PON3: variants seen among roughly 807,000 people sequenced by gnomAD.
The protein encoded by PON3 is paraoxonase 3, also known as serum paraoxonase/lactonase 3.
A neutral mutation model predicts 36.3 loss-of-function variants in PON3; 37 were observed. The ratio of observed to expected loss-of-function variants is 1.02; its 90% CI spans 0.78 to 1.34. The LOEUF is 1.34. PON3 is among the 40% of genes most tolerant of loss of function. PON3 has a pLI of 0.00. For synonymous variants in PON3, 155 were observed against 154.8 expected (o/e 1.00, Z -0.01); for missense variants, 415 against 426.5 (o/e 0.97, Z 0.24).
At chr7:95,393,564 GT>G (rs1250591144) in intron 2 of PON3, among the ~76,000 whole-genome samples, 1 of 152,314 alleles carries the variant, frequency 6.6e-6, no homozygotes, top group East Asian at 1.9e-4. Context: ...ATAAGCAGGT[GT>G]GGCATTAACT....
chr7:95,368,029 T>C (rs17883258), intron 4 of PON3, among the ~76,000 whole-genome samples: 4,496 of 152,278 alleles, frequency 0.03, 217 homozygotes, highest in African/African-American at 0.1. Flanking sequence ...TCAATGGACA[T>C]GGCATGTAAA....
chr7:95,361,790 A>G (rs1049285539), intron 8 of PON3, among the ~76,000 whole-genome samples: 1 of 152,182 alleles, frequency 6.6e-6, no homozygotes, highest in Non-Finnish European at 1.5e-5. Flanking sequence ...CCTTAATGCC[A>G]TAGAAAATGC....
Position 95,396,342 on chromosome 7 carries a change from C to T in PON3, c.9G>A (p.Lys3=). The change falls in exon 1 of 9, where the codon AAG becomes AAA. Residue 3 remains lysine, a synonymous_variant. Transcript: ENST00000265627. MG[K]LVALVLLGVG... ...CCCCCAGCAGGACCAGCGCCACGAG[C>T]TTCCCCATGGTCTCGGGGTGCCCAG... 7 of 1,614,024 alleles carry T rather than the reference C, an allele frequency of 4.3e-6. No homozygotes were observed. The highest frequency in any genetic ancestry group is 5.9e-6 in the Non-Finnish European group (7 of 1,179,960).
intron 5 of PON3, 189 bp from the exon 6 acceptor site, chr7:95,364,252 C>A (rs1159665540): frequency 3.4e-6 from 2 of 595,500 alleles, no homozygotes; most frequent in Non-Finnish European, 6.0e-6. Context: ...TTTTCTTTAG[C>A]CATTTGTTAT....
intron 3 of PON3, among the ~76,000 whole-genome samples, chr7:95,382,910 T>A (rs1263185795): frequency 6.6e-6 from 1 of 152,044 alleles, no homozygotes; most frequent in Non-Finnish European, 1.5e-5. Flanking sequence ...AAAAGAGAAT[T>A]TTAGGCCAAT....
At chr7:95,394,811 C>A in intron 1 of PON3, 97 bp from the exon 2 acceptor site, 2 of 953,212 alleles carry the variant, frequency 2.1e-6, no homozygotes, top group Non-Finnish European at 3.4e-6. Flanking sequence ...GGTTAACTAT[C>A]TTTATCATAA....
At position 95,396,322 on chromosome 7, in the gene PON3, A is replaced by C; in HGVS notation, c.29T>G (p.Leu10Arg). 6.2e-7 allele frequency: 1 copy of C among 1,613,964 alleles called. No individual in the cohort carries two copies. Among genetic ancestry groups the C allele is most frequent in the Non-Finnish European group, 8.5e-7 (1 of 1,179,956 alleles). Residue 10 changes from leucine (L) to arginine (R), a missense_variant, in exon 1 of 9, where the codon CTG (leucine) becomes CGG (arginine). Leu to Arg is a moderately radical substitution (Grantham distance 102). Transcript: ENST00000265627. ...CCCGACTAAGGACAGGCCGACCCCCAGCAGGACCAGCGCCACGAGCTTCCC... is the reference window on the plus strand; with the variant it reads ...CCCGACTAAGGACAGGCCGACCCCCCGCAGGACCAGCGCCACGAGCTTCCC... Reference protein sequence around the residue: MGKLVALVLLGVGLSLVGEM... With the variant: MGKLVALVLRGVGLSLVGEM...
intron 3 of PON3, among the ~76,000 whole-genome samples, chr7:95,385,302 T>C (rs897543618): frequency 3.5e-4 from 54 of 152,128 alleles, no homozygotes; most frequent in Non-Finnish European, 1.2e-4. Flanking sequence ...TGTATACATA[T>C]GTAACAAACC....
At chr7:95,377,306 A>ACT (rs1400346448) in intron 3 of PON3, among the ~76,000 whole-genome samples, 1 of 152,198 alleles carries the variant, frequency 6.6e-6, no homozygotes. Context: ...AGCAAGGCCT[A>ACT]CTGCCTTGCT....
chr7:95,366,517 A>C (rs1808697870), intron 5 of PON3, among the ~76,000 whole-genome samples: 1 of 152,232 alleles, frequency 6.6e-6, no homozygotes, highest in Non-Finnish European at 1.5e-5. Context: ...TTCTTTTCCT[A>C]TTCTTCTATC....
chr7:95,383,595 C>A (rs1036059512), intron 3 of PON3, among the ~76,000 whole-genome samples: 1 of 152,134 alleles, frequency 6.6e-6, no homozygotes, highest in African/African-American at 2.4e-5. Context: ...AGTGAACTCC[C>A]ATTCACAATT....
chr7:95,394,860 C>T, intron 1 of PON3, 146 bp from the exon 2 acceptor site: 1 of 713,576 alleles, frequency 1.4e-6, no homozygotes, highest in Non-Finnish European at 2.5e-6. Flanking sequence ...TACTTCCTTT[C>T]ATGTTTATTT....
In PON3 at chr7:95,363,950, T is replaced by A. The variant is rs960286141; in HGVS notation, c.608A>T (p.Tyr203Phe). ...CTCCCTTGGGCTGTAGAAAAGAACA[T>A]AAGTCCAGCGAAGATCCAAGATCAT... ...FEMILDLRWT[Y>F]VLFYSPREVK... The change falls in exon 6 of 9, where the codon TAT becomes TTT. Residue 203 changes from tyrosine (Y) to phenylalanine (F), a missense_variant. Physicochemically the swap from Tyr to Phe is conservative, Grantham distance 22 (BLOSUM62 3). Coordinates refer to ENST00000265627, the MANE Select transcript of PON3 (RefSeq NM_000940.3). 1 of 1,613,798 alleles carries A rather than the reference T, an allele frequency of 6.2e-7. No homozygotes were observed. The highest frequency in any genetic ancestry group is 8.5e-7 in the Non-Finnish European group (1 of 1,179,782).
chr7:95,371,171 C>T (rs1313683605), intron 4 of PON3, among the ~76,000 whole-genome samples: 3 of 152,088 alleles, frequency 2.0e-5, no homozygotes, highest in South Asian at 2.1e-4. Flanking sequence ...GTATAAATAC[C>T]TATCACATTT....
chr7:95,359,942 A>ATT lies in PON3; in HGVS notation c.*30_*31insAA. The ATT allele has an allele frequency of 7.0e-7, 1 of 1,429,130 alleles. No homozygotes were observed. Among genetic ancestry groups the ATT allele is most frequent in the Non-Finnish European group, 9.7e-7 (1 of 1,031,950 alleles). 88.5% of individuals were successfully genotyped at this position (1,429,130 alleles called of 1,614,324 possible). A position where few individuals can be genotyped will look rare whatever the true frequency, so the allele number is the denominator to read the frequency against. On this transcript the variant is annotated 3_prime_UTR_variant, in exon 9 of 9. Transcript: ENST00000265627. ...CAGTTTACTTTTACAAAATATGTAG[A>ATT]CTTTTTTTTTTTTTTTTTACTATCT...
At chr7:95,378,026 T>C (rs751567188) in intron 3 of PON3, among the ~76,000 whole-genome samples, 1 of 152,012 alleles carries the variant, frequency 6.6e-6, no homozygotes, top group Non-Finnish European at 1.5e-5. Context: ...GTGATACAAA[T>C]GGATAACTAG....
chr7:95,382,028 A>G (rs1283599131), intron 3 of PON3, among the ~76,000 whole-genome samples: 3 of 152,250 alleles, frequency 2.0e-5, no homozygotes, highest in Non-Finnish European at 2.9e-5. Flanking sequence ...CAATCAAACT[A>G]GCACTCAGGA....
At chr7:95,362,326 C>A in intron 8 of PON3, 36 bp downstream of exon 8, 1 of 1,612,796 alleles carries the variant, frequency 6.2e-7, no homozygotes, top group Non-Finnish European at 8.5e-7. Flanking sequence ...GTTCTTGCAG[C>A]TTTGCCTGTG....
intron 8 of PON3, 131 bp from the exon 9 acceptor site, chr7:95,360,262 T>C (rs1808537522): frequency 6.6e-6 from 6 of 912,722 alleles, no homozygotes; most frequent in Middle Eastern, 2.6e-4. Flanking sequence ...CTTCAATAAA[T>C]TGTTCTTCTT....
Sources: gnomAD v4.1 joint callset for allele counts (sites outside exome capture counted in the v4.1 genomes callset) on GRCh38, gnomAD v4.1.1 for gene constraint, MANE v1.5 for transcripts, NCBI Gene and HGNC (gene_info 2026-07-23, HGNC 2026-07-21) for gene names.